Variants in TRMT11 observed in about 807,000 individuals in gnomAD.
TRMT11 encodes tRNA methyltransferase 11.
In TRMT11, 53 loss-of-function variants were observed where a neutral mutation model predicts 62.8. The observed-to-expected ratio is 0.84, with a 90% CI of 0.68 to 1.06. The LOEUF (loss-of-function observed/expected upper bound fraction) is 1.06, where lower values mean the gene tolerates loss of function less well. Ranked by LOEUF, TRMT11 falls within the 50% of genes least tolerant of loss-of-function variation. The probability of loss-of-function intolerance (pLI) is 0.00; values close to 1 mark genes in which losing one functional copy is unlikely to be tolerated. For missense variants in TRMT11, 556 were observed against 553.4 expected, an observed-to-expected ratio of 1.00 and a Z score of -0.05; for synonymous variants, 188 against 190.3, an observed-to-expected ratio of 0.99 and a Z score of 0.10.
intron 16 of TRMT11, among the ~76,000 whole-genome samples, chr6:126,051,235 G>A (rs536467231): frequency 2.0e-5 from 3 of 152,300 alleles, no homozygotes; most frequent in East Asian, 1.9e-4. Flanking sequence ...GTTTGGAAGG[G>A]TAGGTAGTAG....
chr6:126,229,060 G>C, the TRMT11 span, among the ~76,000 whole-genome samples: 61 of 152,172 alleles, frequency 4.0e-4, no homozygotes, highest in Non-Finnish European at 7.5e-4. Flanking sequence ...TCATGTTTTA[G>C]ATAGCATTTT....
intron 17 of TRMT11, among the ~76,000 whole-genome samples, chr6:126,071,270 C>G (rs1776845773): frequency 6.6e-6 from 1 of 152,012 alleles, no homozygotes; most frequent in Non-Finnish European, 1.5e-5. Context: ...TTCTAATTAG[C>G]TGTAAAAATC....
downstream of TRMT11, among the ~76,000 whole-genome samples, chr6:126,044,045 G>A (rs1247024195): frequency 6.6e-6 from 1 of 151,484 alleles, no homozygotes. Context: ...CTGTGCAGAA[G>A]CTCTTTAGTT....
At chr6:126,091,070 T>C (rs1480148125) in intron 17 of TRMT11, among the ~76,000 whole-genome samples, 2 of 151,808 alleles carry the variant, frequency 1.3e-5, no homozygotes, top group East Asian at 3.9e-4. Context: ...ATTAGCAGGG[T>C]GCGGTGGCAG....
chr6:126,212,082 G>A, the TRMT11 span, among the ~76,000 whole-genome samples: 1 of 152,126 alleles, frequency 6.6e-6, no homozygotes, highest in South Asian at 2.1e-4. Flanking sequence ...TTCCATCCAT[G>A]TTATTGCAAA....
the TRMT11 span, among the ~76,000 whole-genome samples, chr6:126,270,264 G>T: frequency 6.6e-6 from 1 of 152,076 alleles, no homozygotes; most frequent in Admixed American, 6.5e-5. Flanking sequence ...TTTTATTACA[G>T]AATTCGACAA....
the TRMT11 span, among the ~76,000 whole-genome samples, chr6:126,225,897 C>T: frequency 4.6e-5 from 7 of 151,898 alleles, no homozygotes; most frequent in East Asian, 1.2e-3. Flanking sequence ...ACCACGTTAG[C>T]CAGAGTACTC....
At chr6:126,202,055 C>T (rs1025122357) in exon 4 of TRMT11, 1 of 152,094 alleles carries the variant, frequency 6.6e-6, no homozygotes, top group South Asian at 2.1e-4. Flanking sequence ...ATGCCCTATA[C>T]GTGTATGTAA....
chr6:126,230,225 T>C, the TRMT11 span, among the ~76,000 whole-genome samples: 1 of 152,150 alleles, frequency 6.6e-6, no homozygotes, highest in African/African-American at 2.4e-5. Context: ...TATATAGCAT[T>C]TTCCCTTAAC....
At chr6:126,154,860 A>G (rs1268158450) in intron 21 of TRMT11, among the ~76,000 whole-genome samples, 1 of 152,152 alleles carries the variant, frequency 6.6e-6, no homozygotes, top group East Asian at 1.9e-4. Flanking sequence ...ACTAATTTCT[A>G]TAACTGATGC....
intron 21 of TRMT11, among the ~76,000 whole-genome samples, chr6:126,153,375 T>A (rs1223731109): frequency 6.6e-6 from 1 of 152,222 alleles, no homozygotes. Context: ...TAGGCAAAAT[T>A]TGACATTGAA....
chr6:126,222,553 G>T, the TRMT11 span, among the ~76,000 whole-genome samples: 5 of 151,806 alleles, frequency 3.3e-5, no homozygotes, highest in South Asian at 2.1e-4. Flanking sequence ...TCGGTTAGCT[G>T]CATTCCTAGG....
chr6:126,097,761 C>T, intron 17 of TRMT11, among the ~76,000 whole-genome samples: 1 of 151,926 alleles, frequency 6.6e-6, no homozygotes, highest in East Asian at 1.9e-4. Flanking sequence ...TTTGTTTAAG[C>T]CCTGTATTCC....
intron 12 of TRMT11, among the ~76,000 whole-genome samples, chr6:126,029,726 C>G (rs2128036164): frequency 6.6e-6 from 1 of 152,242 alleles, no homozygotes; most frequent in South Asian, 2.1e-4. Context: ...ATATTAGATA[C>G]AGTAACTAAC....
At chr6:126,095,767 G>T (rs1365450077) in intron 17 of TRMT11, among the ~76,000 whole-genome samples, 4 of 152,224 alleles carry the variant, frequency 2.6e-5, no homozygotes, top group Non-Finnish European at 4.4e-5. Flanking sequence ...CCAGGTCTAA[G>T]TGGGAGACAA....
the TRMT11 span, among the ~76,000 whole-genome samples, chr6:126,244,355 G>A: frequency 6.6e-6 from 1 of 152,164 alleles, no homozygotes; most frequent in Non-Finnish European, 1.5e-5. Context: ...TTTTCTGAGA[G>A]TTGTTTGTAA....
At chr6:126,035,130 G>T (rs75295551) in intron 12 of TRMT11, among the ~76,000 whole-genome samples, 55 of 151,932 alleles carry the variant, frequency 3.6e-4, no homozygotes, top group Non-Finnish European at 6.0e-4. Flanking sequence ...AGTATATTTC[G>T]TATGGTCTGG....
rs190560967 is a variant in TRMT11, at chr6:126,199,959, A to T, written n.371+59A>T. ...TACGCTAAGATGGAATACTAATGAA[A>T]TGCAATGCACTGATGGGTAACATGT... On this transcript the variant is annotated intron_variant and non_coding_transcript_variant, in intron 3 of 3. Transcript: ENST00000444229. 2.6e-5 allele frequency: 4 copies of T among 152,346 alleles called. No homozygotes were observed. The East Asian group carries it at 5.8e-4, about 22-fold the overall frequency. 9.4% of individuals were successfully genotyped at this position (152,346 alleles called of 1,614,324 possible). A position where few individuals can be genotyped will look rare whatever the true frequency, so the allele number is the denominator to read the frequency against.
At chr6:126,009,380 G>A (rs1471306754) in intron 8 of TRMT11, 1 of 151,902 alleles carries the variant, frequency 6.6e-6, no homozygotes, top group African/African-American at 2.4e-5. Flanking sequence ...CAATAATGAT[G>A]TGTGATTGGA....
Sources: allele counts gnomAD v4.1 joint callset (sites outside exome capture counted in the v4.1 genomes callset), GRCh38; gene constraint gnomAD v4.1.1; transcripts MANE v1.5; gene names NCBI Gene and HGNC (gene_info 2026-07-23, HGNC 2026-07-21).